The following CD163L1 variants were observed in gnomAD, a reference collection of about 807,000 sequenced individuals.
CD163L1 encodes the protein scavenger receptor cysteine-rich type 1 protein M160.
A neutral mutation model predicts 165.4 loss-of-function variants in CD163L1; 124 were observed. That is an observed-to-expected ratio of 0.75 (90% CI 0.65 to 0.87). The LOEUF (loss-of-function observed/expected upper bound fraction) is 0.87, where lower values mean the gene tolerates loss of function less well. Ranked by LOEUF, CD163L1 falls within the 40% of genes least tolerant of loss-of-function variation. CD163L1 has a pLI of 0.00. For missense variants in CD163L1, 1,525 were observed against 1,799.9 expected, an observed-to-expected ratio of 0.85 and a Z score of 2.76; for synonymous variants, 585 against 662.2, an observed-to-expected ratio of 0.88 and a Z score of 1.79.
chr12:7,336,809 G>GA, the CD163L1 span, among the ~76,000 whole-genome samples: 1 of 151,890 alleles, frequency 6.6e-6, no homozygotes, highest in Non-Finnish European at 1.5e-5. Flanking sequence ...CACAGAATTA[G>GA]AAAAAAACTA....
intron 8 of CD163L1, among the ~76,000 whole-genome samples, chr12:7,381,329 T>A (rs1301360826): frequency 6.6e-6 from 1 of 152,186 alleles, no homozygotes; most frequent in East Asian, 1.9e-4. Context: ...TCCTTTCCTA[T>A]CACTTCAGTC....
At chr12:7,324,991 T>C in the CD163L1 span, among the ~76,000 whole-genome samples, 1 of 152,222 alleles carries the variant, frequency 6.6e-6, no homozygotes, top group South Asian at 2.1e-4. Context: ...TCCTACTTGA[T>C]AGCAACCAAC....
chr12:7,332,095 G>C, the CD163L1 span, among the ~76,000 whole-genome samples: 9 of 152,238 alleles, frequency 5.9e-5, no homozygotes, highest in Non-Finnish European at 1.3e-4. Context: ...TAAAGGACCT[G>C]ATGGAGCTGA....
chr12:7,417,798 G>T (rs754491759), intron 4 of CD163L1, among the ~76,000 whole-genome samples: 1 of 152,080 alleles, frequency 6.6e-6, no homozygotes, highest in African/African-American at 2.4e-5. Context: ...TTGATGTGCT[G>T]CTGGATTTAG....
Position 7,375,740 on chromosome 12 carries a change from G to C in CD163L1, c.2646C>G (p.Asp882Glu). The C allele has an allele frequency of 6.2e-7, 1 of 1,614,218 alleles. No individual in the cohort carries two copies. The highest frequency in any genetic ancestry group is 8.5e-7 in the Non-Finnish European group (1 of 1,180,038). The part of the protein sequence containing the change: ...ALCPIVQHPE[D>E]TCIHSREVGV... ...CAACTTCTCTGCTGTGGATACAAGTGTCTTCCGGATGTTGAACAATGGGGC... is the reference window on the plus strand; with the variant it reads ...CAACTTCTCTGCTGTGGATACAAGTCTCTTCCGGATGTTGAACAATGGGGC... The change falls in exon 10 of 20, where the codon GAC becomes GAG. Residue 882 changes from aspartate to glutamate, a missense_variant. Coordinates refer to ENST00000313599, the MANE Select transcript of CD163L1 (RefSeq NM_174941.6).
chr12:7,341,242 G>A, the CD163L1 span, among the ~76,000 whole-genome samples: 6 of 152,092 alleles, frequency 3.9e-5, no homozygotes, highest in Non-Finnish European at 8.8e-5. Context: ...TTTTCTGTTT[G>A]TTATGTAAGA....
chr12:7,421,106 C>CGTGT (rs1252944698), intron 4 of CD163L1, among the ~76,000 whole-genome samples: 3 of 106,606 alleles, frequency 2.8e-5, no homozygotes, highest in Admixed American at 1.3e-4. Flanking sequence ...TGTATATATA[C>CGTGT]ATTTGGAAGA....
At chr12:7,356,967 T>C (rs1216252347) in intron 19 of CD163L1, among the ~76,000 whole-genome samples, 1 of 152,178 alleles carries the variant, frequency 6.6e-6, no homozygotes, top group African/African-American at 2.4e-5. Context: ...GCACTGGCGA[T>C]TAAAGCAATA....
chr12:7,353,874 T>C (rs1014138463), downstream of CD163L1, among the ~76,000 whole-genome samples: 1 of 152,116 alleles, frequency 6.6e-6, no homozygotes, highest in African/African-American at 2.4e-5. Flanking sequence ...AGTACAGCAA[T>C]ATTAATGAAA....
intron 18 of CD163L1, among the ~76,000 whole-genome samples, chr12:7,364,402 C>T (rs1946968004): frequency 6.6e-6 from 1 of 152,042 alleles, no homozygotes; most frequent in Non-Finnish European, 1.5e-5. Flanking sequence ...CCATTTTCTT[C>T]ACATTTATTC....
intron 4 of CD163L1, among the ~76,000 whole-genome samples, chr12:7,431,762 A>C (rs1565816907): frequency 6.6e-6 from 1 of 152,210 alleles, no homozygotes; most frequent in Non-Finnish European, 1.5e-5. Flanking sequence ...ATAAAAAAAA[A>C]AGTGATCCCT....
At chr12:7,344,117 T>C (rs1310927778), downstream of CD163L1, among the ~76,000 whole-genome samples, 2 of 151,860 alleles carry the variant, frequency 1.3e-5, no homozygotes, top group Non-Finnish European at 2.9e-5. Context: ...GGTCTTGTTC[T>C]GTCACTTGGG....
chr12:7,395,958 G>C (rs1424348546), intron 8 of CD163L1, 137 bp downstream of exon 8: 14 of 586,538 alleles, frequency 2.4e-5, no homozygotes, highest in Non-Finnish European at 3.2e-5. Flanking sequence ...AAAAATGAAT[G>C]AGAATATGAG....
chr12:7,375,465 T>A lies in CD163L1; in HGVS notation c.2817A>T (p.Arg939Ser). ...WDPEDARVLC[R>S]QLSCGTALST... ...AGAGAGCAGTCCCACAGCTGAGCTG[T>A]CTGCATAGAACACGGGCATCTTCTG... The change falls in exon 11 of 20, where the codon AGA becomes AGT. Residue 939 changes from arginine to serine, a missense_variant. Physicochemically the swap from Arg to Ser is moderately radical, Grantham distance 110. Coordinates refer to ENST00000313599, the MANE Select transcript of CD163L1 (RefSeq NM_174941.6). 1 of 1,614,192 alleles carries A rather than the reference T, an allele frequency of 6.2e-7. No individual in the cohort carries two copies. The highest frequency in any genetic ancestry group is 8.5e-7 in the Non-Finnish European group (1 of 1,180,016).
the CD163L1 span, chr12:7,320,679 C>A: frequency 2.0e-6 from 3 of 1,493,866 alleles, no homozygotes; most frequent in South Asian, 1.2e-5. Flanking sequence ...TAGTCATGGC[C>A]TTTGAATGAC....
chr12:7,320,118 G>T, the CD163L1 span, among the ~76,000 whole-genome samples: 1 of 152,094 alleles, frequency 6.6e-6, no homozygotes, highest in Non-Finnish European at 1.5e-5. Flanking sequence ...GGGACATAGT[G>T]GAACTTCTCC....
At chr12:7,426,397 T>C (rs1948543821) in intron 4 of CD163L1, among the ~76,000 whole-genome samples, 2 of 152,084 alleles carry the variant, frequency 1.3e-5, no homozygotes, top group African/African-American at 2.4e-5. Context: ...CCATGGCACA[T>C]GTATATCTAT....
At chr12:7,366,693 A>G (rs1024973207) in intron 18 of CD163L1, among the ~76,000 whole-genome samples, 3 of 152,174 alleles carry the variant, frequency 2.0e-5, no homozygotes, top group African/African-American at 4.8e-5. Flanking sequence ...TAGCTATTGG[A>G]AAGTCACTTT....
chr12:7,371,765 A>T (rs1256310913), intron 14 of CD163L1, among the ~76,000 whole-genome samples: 1 of 152,076 alleles, frequency 6.6e-6, no homozygotes, highest in African/African-American at 2.4e-5. Flanking sequence ...GCATAAGATT[A>T]TAGTATATCA....
Sources: gnomAD v4.1 joint callset for allele counts (sites outside exome capture counted in the v4.1 genomes callset) on GRCh38, gnomAD v4.1.1 for gene constraint, MANE v1.5 for transcripts, NCBI Gene and HGNC (gene_info 2026-07-23, HGNC 2026-07-21) for gene names.